NF1: variants seen among roughly 807,000 people sequenced by gnomAD.
The protein encoded by NF1 is neurofibromin 1.
A neutral mutation model predicts 325.7 loss-of-function variants in NF1; 122 were observed. That is an observed-to-expected ratio of 0.37 (90% CI 0.32 to 0.44). NF1 has a LOEUF of 0.44. Among genes scored for constraint, NF1 ranks in the 20% least tolerant of loss-of-function variants. NF1 has a pLI of 1.00. For synonymous variants in NF1, 1,091 were observed against 1,186.0 expected, an observed-to-expected ratio of 0.92 and a Z score of 1.65; for missense variants, 2,140 against 3,415.4, an observed-to-expected ratio of 0.63 and a Z score of 9.31.
At position 31,182,500 on chromosome 17, in the gene NF1, T is replaced by G. The variant is rs1597659705; in HGVS notation, c.731-8T>G. The G allele has an allele frequency of 6.2e-7, 1 of 1,613,780 alleles. No individual in the cohort carries two copies. The highest frequency in any genetic ancestry group is 1.1e-5 in the South Asian group (1 of 91,036). On this transcript the variant is annotated splice_region_variant and splice_polypyrimidine_tract_variant and intron_variant, in intron 7 of 57. Coordinates refer to ENST00000358273, the MANE Select transcript of NF1 (RefSeq NM_001042492.3). ...CTAATAATGTCATTTAATATATTTTTCATGCAGAATGTGCAGAAAAGCTAT... is the reference window on the plus strand; with the variant it reads ...CTAATAATGTCATTTAATATATTTTGCATGCAGAATGTGCAGAAAAGCTAT...
intron 2 of NF1, among the ~76,000 whole-genome samples, chr17:31,156,722 TTTC>T (rs1217311444): frequency 6.6e-6 from 1 of 152,204 alleles, no homozygotes; most frequent in Non-Finnish European, 1.5e-5. Context: ...TCATAATTTC[TTTC>T]TTCTTCCCAT....
At chr17:31,178,213 T>C (rs1379578681) in intron 5 of NF1, among the ~76,000 whole-genome samples, 1 of 152,136 alleles carries the variant, frequency 6.6e-6, no homozygotes, top group Non-Finnish European at 1.5e-5. Flanking sequence ...GGGCCAATAT[T>C]CAACATTCTT....
intron 8 of NF1, among the ~76,000 whole-genome samples, chr17:31,198,103 AT>A (rs1340921440): frequency 6.6e-6 from 1 of 151,910 alleles, no homozygotes; most frequent in Non-Finnish European, 1.5e-5. Context: ...TATTACATTG[AT>A]TTTTTCATTG....
intron 1 of NF1, among the ~76,000 whole-genome samples, chr17:31,132,988 G>GA (rs1232645504): frequency 1.3e-5 from 2 of 152,168 alleles, no homozygotes; most frequent in South Asian, 4.2e-4. Context: ...TTTAAATGTG[G>GA]AAAAATGCAC....
intron 31 of NF1, among the ~76,000 whole-genome samples, chr17:31,255,406 A>G (rs990566135): frequency 6.6e-6 from 1 of 152,150 alleles, no homozygotes; most frequent in Non-Finnish European, 1.5e-5. Context: ...ATTGATGTCA[A>G]TTAGTGGTGA....
At chr17:31,189,741 G>A (rs2143822420) in intron 8 of NF1, among the ~76,000 whole-genome samples, 1 of 150,084 alleles carries the variant, frequency 6.7e-6, no homozygotes, top group East Asian at 1.9e-4. Context: ...AAATCTTTCT[G>A]GATTAAAAAG....
intron 8 of NF1, among the ~76,000 whole-genome samples, chr17:31,196,902 G>T (rs997240192): frequency 2.6e-5 from 4 of 152,096 alleles, no homozygotes; most frequent in African/African-American, 9.7e-5. Flanking sequence ...CTGTGCTTAT[G>T]CTAGTACCAC....
Position 31,372,549 on chromosome 17 carries a change from A to G in NF1, c.8378-1464A>G, listed in dbSNP as rs376391790. 4.6e-5 allele frequency among the ~76,000 whole-genome samples: 7 copies of G among 152,182 alleles called. No homozygotes were observed. In the South Asian group the frequency reaches 1.5e-3, roughly 32 times the overall value. On this transcript the variant is annotated intron_variant, in intron 57 of 57. Transcript: ENST00000358273. ...TCCATCATCTACATCAAGAAACAGA[A>G]CATTACCAGCATCCCAAGAAGCCAT...
chr17:31,312,823 AT>A (rs1297565920), intron 36 of NF1, among the ~76,000 whole-genome samples: 2 of 151,902 alleles, frequency 1.3e-5, no homozygotes, highest in Non-Finnish European at 2.9e-5. Context: ...TGAACATATT[AT>A]TCCCTGAAAT....
intron 36 of NF1, among the ~76,000 whole-genome samples, chr17:31,270,964 G>C (rs1008972146): frequency 3.3e-5 from 5 of 152,090 alleles, no homozygotes; most frequent in Admixed American, 6.5e-5. Flanking sequence ...ATATTTAACA[G>C]GCACTCCAAG....
intron 29 of NF1, among the ~76,000 whole-genome samples, chr17:31,245,936 C>A (rs929581634): frequency 6.6e-6 from 1 of 152,076 alleles, no homozygotes; most frequent in Admixed American, 6.5e-5. Context: ...TGACTAGCCC[C>A]GTCTTGAAGC....
In NF1 at chr17:31,115,065, G is replaced by A. The variant is rs551010367; in HGVS notation, c.60+19696G>A. Reference sequence around the variant, plus strand: ...CTAGTAATAGGACTGAATTACATCAGCTAATAGAATAACCCCCTTCTTTGA... The same window carrying A: ...CTAGTAATAGGACTGAATTACATCAACTAATAGAATAACCCCCTTCTTTGA... On this transcript the variant is annotated intron_variant, in intron 1 of 57. Coordinates refer to ENST00000358273, the MANE Select transcript of NF1 (RefSeq NM_001042492.3). Among the ~76,000 whole-genome samples, 8 of 152,288 alleles carry A rather than the reference G, an allele frequency of 5.3e-5. No individual in the cohort carries two copies. In the South Asian group the frequency reaches 1.7e-3, roughly 32 times the overall value.
intron 1 of NF1, among the ~76,000 whole-genome samples, chr17:31,146,234 C>T (rs1916575165): frequency 6.6e-6 from 1 of 152,086 alleles, no homozygotes; most frequent in South Asian, 2.1e-4. Context: ...GCAGACGGTT[C>T]AGGAATCTGG....
intron 8 of NF1, among the ~76,000 whole-genome samples, chr17:31,184,169 T>C (rs966757243): frequency 1.3e-5 from 2 of 152,302 alleles, no homozygotes; most frequent in African/African-American, 2.4e-5. Context: ...AGAACACTGA[T>C]AGTCGTTGCT....
chr17:31,352,441 T>A (rs1455454517), intron 51 of NF1, 27 bp downstream of exon 51: 1 of 1,499,702 alleles, frequency 6.7e-7, no homozygotes, highest in Non-Finnish European at 8.9e-7. Flanking sequence ...TATGTAGATT[T>A]TTTTTATTAT....
intron 1 of NF1, among the ~76,000 whole-genome samples, chr17:31,123,906 CT>C (rs1914647204): frequency 6.6e-6 from 1 of 151,912 alleles, no homozygotes; most frequent in Non-Finnish European, 1.5e-5. Flanking sequence ...TTATTTTTGT[CT>C]CTTTATATGT....
At chr17:31,225,326 A>C (rs2066995111) in intron 17 of NF1, 76 bp downstream of exon 17, 1 of 1,510,128 alleles carries the variant, frequency 6.6e-7, no homozygotes, top group African/African-American at 1.4e-5. Flanking sequence ...GGTAAATTTC[A>C]TCTAGGTAAT....
In NF1 at chr17:31,330,363, C is replaced by T. The variant is rs1597834730; in HGVS notation, c.5677C>T (p.Leu1893=). The change falls in exon 39 of 58, where the codon CTA becomes TTA. Residue 1893 remains leucine, a synonymous_variant. Transcript: ENST00000358273. ...TFNLKIEGQL[L]ETSGLCIPAN... is the part of the protein sequence containing the mutation. The stretch of plus-strand genomic sequence containing the variant: ...TAATTTAAAAATCGAGGGCCAGTTA[C>T]TAGAGACATCAGGTTTATGTATCCC... 1 of 1,614,042 alleles carries T rather than the reference C, an allele frequency of 6.2e-7. No homozygotes were observed. The highest frequency in any genetic ancestry group is 2.2e-5 in the East Asian group (1 of 44,870).
At position 31,189,075 on chromosome 17, in the gene NF1, C is replaced by T. The variant is rs556380674; in HGVS notation, c.888+6410C>T. Among the ~76,000 whole-genome samples the T allele has an allele frequency of 8.1e-4, 123 of 152,046 alleles. 1 individual carries two copies. The highest frequency in any genetic ancestry group is 1.5e-3 in the Non-Finnish European group (99 of 68,028). On this transcript the variant is annotated intron_variant, in intron 8 of 57. Transcript: ENST00000358273. The stretch of plus-strand genomic sequence containing the variant: ...GGAAAAATAGAAATAAATAAATAAG[C>T]TATAGATTCAGTAGTACTCGAGTGA...
Sources: allele counts gnomAD v4.1 joint callset (sites outside exome capture counted in the v4.1 genomes callset), GRCh38; gene constraint gnomAD v4.1.1; transcripts MANE v1.5; gene names NCBI Gene and HGNC (gene_info 2026-07-23, HGNC 2026-07-21).